DPP6: variants seen among roughly 807,000 people sequenced by gnomAD.
The protein encoded by DPP6 is dipeptidyl peptidase like 6.
Under a neutral mutation model 122.6 loss-of-function variants are expected in DPP6, and 69 were observed. The observed-to-expected ratio is 0.56, with a 90% CI of 0.46 to 0.69. DPP6 has a LOEUF of 0.69. DPP6 is among the 30% of genes least tolerant of loss of function. DPP6 has a pLI of 0.00. For synonymous variants in DPP6, 418 were observed against 433.1 expected, an observed-to-expected ratio of 0.97 and a Z score of 0.43; for missense variants, 928 against 1,116.9, an observed-to-expected ratio of 0.83 and a Z score of 2.41.
At chr7:154,796,205 T>A (rs562797317) in intron 12 of DPP6, 3 of 320,502 alleles carry the variant, frequency 9.4e-6, no homozygotes, top group Non-Finnish European at 1.7e-5. Context: ...CCATCAAAGG[T>A]GGCTTAACAT....
At chr7:154,850,976 T>A (rs1584891044) in intron 16 of DPP6, among the ~76,000 whole-genome samples, 1 of 152,224 alleles carries the variant, frequency 6.6e-6, no homozygotes, top group East Asian at 1.9e-4. Context: ...ACCATTTTCA[T>A]GTTATTTTTG....
At chr7:154,636,161 A>G (rs984228326) in intron 5 of DPP6, among the ~76,000 whole-genome samples, 4 of 152,192 alleles carry the variant, frequency 2.6e-5, no homozygotes, top group Non-Finnish European at 4.4e-5. Flanking sequence ...CAATCATATG[A>G]AAAGGCGGTT....
rs1345095533 is a variant in DPP6 at position 154,787,853 on chromosome 7, T to G, written c.1137-6226T>G. Among the ~76,000 whole-genome samples the G allele has an allele frequency of 2.6e-5, 4 of 152,220 alleles. No homozygotes were observed. In the East Asian group the frequency reaches 7.7e-4, roughly 29 times the overall value. On this transcript the variant is annotated intron_variant, in intron 10 of 25. Transcript: ENST00000377770. ...TCTCTTATTCCAGAAACATAGGTGT[T>G]TCTATTCCTTTTTTCTAAATAATAT... is the stretch of plus-strand genomic sequence containing the variant.
chr7:154,122,470 G>A (rs201305051), intron 1 of DPP6, among the ~76,000 whole-genome samples: 17 of 136,880 alleles, frequency 1.2e-4, no homozygotes, highest in Admixed American at 7.9e-4. Flanking sequence ...AAAATAAACC[G>A]AAGTTACTAG....
chr7:154,201,968 A>C (rs1229911080), intron 1 of DPP6, among the ~76,000 whole-genome samples: 1 of 152,206 alleles, frequency 6.6e-6, no homozygotes, highest in Non-Finnish European at 1.5e-5. Context: ...TAAATAAGGC[A>C]GCGCATCTCA....
intron 19 of DPP6, among the ~76,000 whole-genome samples, chr7:154,873,068 G>A (rs1284240616): frequency 1.3e-5 from 2 of 152,262 alleles, no homozygotes; most frequent in African/African-American, 2.4e-5. Context: ...CCCTGAGCCC[G>A]TGGGTCTCAC....
chr7:154,074,594 C>A (rs1442674005), intron 1 of DPP6, among the ~76,000 whole-genome samples: 4 of 152,100 alleles, frequency 2.6e-5, no homozygotes, highest in Admixed American at 1.3e-4. Flanking sequence ...CATGAAGTAA[C>A]GTTTATAGGT....
the DPP6 span, among the ~76,000 whole-genome samples, chr7:153,783,232 A>G: frequency 6.6e-6 from 1 of 152,212 alleles, no homozygotes; most frequent in African/African-American, 2.4e-5. Flanking sequence ...TTTATAAAGA[A>G]AAGAAGTTTA....
intron 6 of DPP6, among the ~76,000 whole-genome samples, chr7:154,656,086 G>C (rs1837219561): frequency 1.3e-5 from 2 of 151,484 alleles, no homozygotes; most frequent in African/African-American, 4.9e-5. Flanking sequence ...TGGAGGAGAG[G>C]AGCGGGGCTG....
chr7:154,861,681 A>ATTG (rs1325524936), intron 17 of DPP6, among the ~76,000 whole-genome samples: 5 of 152,178 alleles, frequency 3.3e-5, no homozygotes, highest in African/African-American at 1.2e-4. Context: ...TACTTTGATA[A>ATTG]TTGTTGGACA....
chr7:154,260,402 T>G (rs1802935423), intron 1 of DPP6, among the ~76,000 whole-genome samples: 1 of 152,106 alleles, frequency 6.6e-6, no homozygotes, highest in African/African-American at 2.4e-5. Context: ...GCCCAAGCAG[T>G]ATACACTGCA....
At chr7:154,031,741 G>A (rs1336261493) in intron 1 of DPP6, among the ~76,000 whole-genome samples, 2 of 151,994 alleles carry the variant, frequency 1.3e-5, no homozygotes, top group Non-Finnish European at 2.9e-5. Context: ...AGCCTTTGGA[G>A]AATCTAGCAT....
chr7:153,956,927 G>C (rs1802487601), intron 1 of DPP6, among the ~76,000 whole-genome samples: 1 of 152,152 alleles, frequency 6.6e-6, no homozygotes, highest in South Asian at 2.1e-4. Context: ...TTGGTAGCAA[G>C]GCTCTTAGGA....
chr7:154,221,327 G>A (rs752405701), intron 1 of DPP6, among the ~76,000 whole-genome samples: 2 of 152,044 alleles, frequency 1.3e-5, no homozygotes, highest in Admixed American at 6.6e-5. Flanking sequence ...TTTTATTAGA[G>A]GTGGGGTTTC....
chr7:154,542,631 G>T (rs982271622), intron 4 of DPP6, among the ~76,000 whole-genome samples: 1 of 152,098 alleles, frequency 6.6e-6, no homozygotes, highest in African/African-American at 2.4e-5. Context: ...TCAGAAATTC[G>T]CTGGCTTATT....
chr7:154,892,211 T>A (rs1237487745), intron 25 of DPP6, 123 bp from the exon 26 acceptor site: 4 of 1,322,082 alleles, frequency 3.0e-6, no homozygotes, highest in Non-Finnish European at 4.2e-6. Context: ...CAAACCCACT[T>A]CATCAACTAC....
intron 1 of DPP6, among the ~76,000 whole-genome samples, chr7:154,338,814 C>T (rs781489091): frequency 6.6e-6 from 1 of 152,204 alleles, no homozygotes; most frequent in Non-Finnish European, 1.5e-5. Flanking sequence ...CACCTCTCTT[C>T]CTCGCCTTTT....
At chr7:154,114,774 C>T (rs1451199834) in intron 1 of DPP6, among the ~76,000 whole-genome samples, 1 of 152,202 alleles carries the variant, frequency 6.6e-6, no homozygotes, top group Non-Finnish European at 1.5e-5. Flanking sequence ...TTCCAACCTG[C>T]ACCCAGGAGG....
At chr7:154,854,869 C>G (rs188290070) in intron 17 of DPP6, among the ~76,000 whole-genome samples, 2 of 152,330 alleles carry the variant, frequency 1.3e-5, no homozygotes, top group East Asian at 1.9e-4. Context: ...CTCCCTCTGT[C>G]TAACCCAAAG....
Sources: allele counts gnomAD v4.1 joint callset (sites outside exome capture counted in the v4.1 genomes callset), GRCh38; gene constraint gnomAD v4.1.1; transcripts MANE v1.5; gene names NCBI Gene and HGNC (gene_info 2026-07-23, HGNC 2026-07-21).